Variants in SPATA17 observed in about 807,000 individuals in gnomAD.
The protein encoded by SPATA17 is spermatogenesis-associated protein 17.
Under a neutral mutation model 62.2 loss-of-function variants are expected in SPATA17, and 53 were observed. The ratio of observed to expected loss-of-function variants is 0.85; its 90% CI spans 0.68 to 1.07. The LOEUF (loss-of-function observed/expected upper bound fraction) is 1.07, where lower values mean the gene tolerates loss of function less well. Among genes scored for constraint, SPATA17 ranks in the 50% least tolerant of loss-of-function variants. SPATA17 has a pLI of 0.00. For synonymous variants in SPATA17, 146 were observed against 146.8 expected (o/e 0.99, Z 0.04); for missense variants, 466 against 425.5 (o/e 1.10, Z -0.84).
At chr1:217,800,345 C>A (rs1674277744) in intron 8 of SPATA17, among the ~76,000 whole-genome samples, 1 of 151,484 alleles carries the variant, frequency 6.6e-6, no homozygotes, top group Admixed American at 6.6e-5. Flanking sequence ...AATCAGTCTT[C>A]TGAAGGATAT....
intron 5 of SPATA17, among the ~76,000 whole-genome samples, chr1:217,714,504 A>ATTTTTTTTTTTTTTTTTTT: frequency 1.2e-5 from 1 of 82,322 alleles, no homozygotes; most frequent in Non-Finnish European, 2.5e-5. Context: ...TTTTTTTTTG[A>ATTTTTTTTTTTTTTTTTTT]GACAGAGTCT....
chr1:217,724,679 C>T (rs1005400100), intron 5 of SPATA17, among the ~76,000 whole-genome samples: 1 of 151,986 alleles, frequency 6.6e-6, no homozygotes, highest in Admixed American at 6.5e-5. Flanking sequence ...CACAAAAATT[C>T]CTGTTTCTTT....
chr1:217,821,927 G>A (rs1674873984), intron 9 of SPATA17, among the ~76,000 whole-genome samples: 1 of 152,090 alleles, frequency 6.6e-6, no homozygotes, highest in Non-Finnish European at 1.5e-5. Flanking sequence ...CTCTCTACAA[G>A]GGGTGATTTT....
chr1:217,752,599 A>C (rs184649996), intron 6 of SPATA17, among the ~76,000 whole-genome samples: 24 of 152,328 alleles, frequency 1.6e-4, no homozygotes, highest in African/African-American at 5.8e-4. Flanking sequence ...TCATTACTAT[A>C]AAAGTGTTGT....
At chr1:217,634,585 A>G (rs754061761) in intron 1 of SPATA17, among the ~76,000 whole-genome samples, 43 of 152,322 alleles carry the variant, frequency 2.8e-4, no homozygotes, top group Non-Finnish European at 5.7e-4. Context: ...AGGGAGGGTC[A>G]GAATCTTATA....
intron 9 of SPATA17, among the ~76,000 whole-genome samples, chr1:217,827,545 G>T (rs773230236): frequency 3.3e-4 from 50 of 151,984 alleles, no homozygotes; most frequent in Non-Finnish European, 6.0e-4. Flanking sequence ...TATACCCAAA[G>T]GAATATAAAT....
chr1:217,805,067 A>G (rs1220433607), intron 9 of SPATA17, among the ~76,000 whole-genome samples: 2 of 152,206 alleles, frequency 1.3e-5, no homozygotes, highest in East Asian at 3.8e-4. Flanking sequence ...TATATTGAAG[A>G]GATATCTGCA....
intron 6 of SPATA17, among the ~76,000 whole-genome samples, chr1:217,756,463 C>A (rs1431454168): frequency 6.6e-6 from 1 of 152,162 alleles, no homozygotes; most frequent in Non-Finnish European, 1.5e-5. Context: ...TTAGCTCTGG[C>A]TGTCTTCAAA....
At chr1:217,712,140 T>TC (rs1671884486) in intron 5 of SPATA17, among the ~76,000 whole-genome samples, 1 of 150,086 alleles carries the variant, frequency 6.7e-6, no homozygotes, top group Admixed American at 6.6e-5. Context: ...TTTGTTTTTT[T>TC]TTTTTTACGG....
intron 6 of SPATA17, among the ~76,000 whole-genome samples, chr1:217,770,978 ATTTTTTTTTTTTTTTTTTT>A (rs374042087): frequency 1.8e-3 from 88 of 50,168 alleles, no homozygotes; most frequent in South Asian, 3.0e-3. Flanking sequence ...AACTCATTGC[ATTTTTTTTTTTTTTTTTTT>A]TTTTTTTTTT....
intron 9 of SPATA17, among the ~76,000 whole-genome samples, chr1:217,818,270 A>G (rs1674771750): frequency 6.6e-6 from 1 of 151,944 alleles, no homozygotes; most frequent in Non-Finnish European, 1.5e-5. Context: ...TGGACATCAC[A>G]ATTTACGGGA....
chr1:217,720,357 A>G (rs1037346592), intron 5 of SPATA17, among the ~76,000 whole-genome samples: 4 of 152,174 alleles, frequency 2.6e-5, no homozygotes, highest in Non-Finnish European at 4.4e-5. Flanking sequence ...AACTTAACTC[A>G]TGTTATTATT....
chr1:217,651,117 C>T lies in SPATA17; in HGVS notation c.179C>T (p.Thr60Ile). The change falls in exon 3 of 11, where the codon ACA becomes ATA. Residue 60 changes from threonine to isoleucine, a missense_variant. Thr to Ile is a moderately conservative substitution (Grantham distance 89). Transcript: ENST00000366933. ...CCTAGGCATTTAAACAGGATTGTAA[C>T]AATTATTCAAAAATGGTGGAGAAGT... ...AYIRHLNRIV[T>I]IIQKWWRSFL... is the part of the protein sequence containing the mutation. 1 of 1,608,196 alleles carries T rather than the reference C, an allele frequency of 6.2e-7. No homozygotes were observed. Among genetic ancestry groups the T allele is most frequent in the South Asian group, 1.1e-5 (1 of 89,440 alleles).
At chr1:217,845,175 C>T (rs1334547448) in intron 9 of SPATA17, among the ~76,000 whole-genome samples, 4 of 152,056 alleles carry the variant, frequency 2.6e-5, no homozygotes, top group Non-Finnish European at 5.9e-5. Context: ...CTTTAGGTTC[C>T]TGCAGAGGAT....
intron 9 of SPATA17, among the ~76,000 whole-genome samples, chr1:217,854,669 G>A (rs936052790): frequency 1.6e-4 from 24 of 151,934 alleles, no homozygotes; most frequent in African/African-American, 5.8e-4. Context: ...TTGAATGTAC[G>A]GAGAGACCTG....
chr1:217,648,599 A>G (rs370906558), intron 1 of SPATA17, among the ~76,000 whole-genome samples: 5 of 152,214 alleles, frequency 3.3e-5, no homozygotes, highest in East Asian at 3.8e-4. Context: ...TTACTCCCTA[A>G]TAAAAATCAC....
chr1:217,831,194 T>A (rs1675130470), intron 9 of SPATA17, among the ~76,000 whole-genome samples: 1 of 152,156 alleles, frequency 6.6e-6, no homozygotes, highest in Non-Finnish European at 1.5e-5. Flanking sequence ...GTTATTATGC[T>A]GTCTAACTAG....
chr1:217,664,891 G>A (rs1361750732), intron 3 of SPATA17, among the ~76,000 whole-genome samples: 1 of 152,066 alleles, frequency 6.6e-6, no homozygotes, highest in Admixed American at 6.6e-5. Flanking sequence ...ATAAATAAAT[G>A]CTTATAAGGA....
chr1:217,868,762 C>G lies in SPATA17; in HGVS notation c.*1743C>G, dbSNP rs994066324. ...TGGCATGAACTCAGCTCACTGCAAC[C>G]TTCACCTCCCAGGCTCAAGCAGTCC... On this transcript the variant is annotated 3_prime_UTR_variant, in exon 11 of 11. Transcript: ENST00000366933. 6.8e-6 allele frequency: 1 copy of G among 146,584 alleles called. No individual in the cohort carries two copies. The highest frequency in any genetic ancestry group is 2.5e-5 in the African/African-American group (1 of 39,656). 9.1% of individuals were successfully genotyped at this position (146,584 alleles called of 1,614,324 possible). A position where few individuals can be genotyped will look rare whatever the true frequency, so the allele number is the denominator to read the frequency against.
Sources: allele counts gnomAD v4.1 joint callset (sites outside exome capture counted in the v4.1 genomes callset), GRCh38; gene constraint gnomAD v4.1.1; transcripts MANE v1.5; gene names NCBI Gene and HGNC (gene_info 2026-07-23, HGNC 2026-07-21).